The following ZNF438 variants were observed in gnomAD, a reference collection of about 807,000 sequenced individuals.
ZNF438 encodes zinc finger protein 438.
Under a neutral mutation model 38.0 loss-of-function variants are expected in ZNF438, and 25 were observed. The observed-to-expected ratio is 0.66, with a 90% confidence interval of 0.48 to 0.92. The LOEUF is 0.92. Among genes scored for constraint, ZNF438 ranks in the 40% least tolerant of loss-of-function variants. ZNF438 has a pLI of 0.00. For missense variants in ZNF438, 1,007 were observed against 999.6 expected, an observed-to-expected ratio of 1.01 and a Z score of -0.10; for synonymous variants, 372 against 364.1, an observed-to-expected ratio of 1.02 and a Z score of -0.25.
intron 2 of ZNF438, among the ~76,000 whole-genome samples, chr10:30,922,286 T>C (rs781360962): frequency 6.6e-6 from 1 of 152,228 alleles, no homozygotes; most frequent in Admixed American, 6.5e-5. Context: ...GTGCCTTATC[T>C]ACTTAATCTA....
At chr10:30,988,587 A>T (rs1173138178) in intron 1 of ZNF438, among the ~76,000 whole-genome samples, 3 of 152,118 alleles carry the variant, frequency 2.0e-5, no homozygotes, top group Non-Finnish European at 4.4e-5. Context: ...AAATAATGTA[A>T]GCTTTTACTG....
chr10:30,993,141 T>C (rs1564812191), intron 1 of ZNF438, among the ~76,000 whole-genome samples: 1 of 152,230 alleles, frequency 6.6e-6, no homozygotes, highest in Non-Finnish European at 1.5e-5. Flanking sequence ...AAACCAAGAA[T>C]GTGGCCTAGC....
chr10:30,985,703 A>G (rs1312369451), intron 1 of ZNF438, among the ~76,000 whole-genome samples: 3 of 152,228 alleles, frequency 2.0e-5, no homozygotes, highest in Non-Finnish European at 4.4e-5. Context: ...TATTCACAGT[A>G]GTTAAGTTCT....
chr10:30,997,826 G>T (rs2054207370), intron 1 of ZNF438, among the ~76,000 whole-genome samples: 1 of 152,042 alleles, frequency 6.6e-6, no homozygotes, highest in South Asian at 2.1e-4. Context: ...GTCATTCTTG[G>T]AGTTAAAGCT....
chr10:30,921,140 A>G (rs1173172124), intron 2 of ZNF438: 2 of 152,182 alleles, frequency 1.3e-5, no homozygotes, highest in Non-Finnish European at 2.9e-5. Context: ...CAATGAACTA[A>G]CCTTTGGAGA....
At chr10:30,931,105 A>G (rs1244641938) in intron 2 of ZNF438, among the ~76,000 whole-genome samples, 2 of 152,200 alleles carry the variant, frequency 1.3e-5, no homozygotes, top group Admixed American at 6.5e-5. Context: ...CATGAGGTCA[A>G]AGAGAGTCAA....
chr10:30,959,582 C>CAA (rs760298159), intron 1 of ZNF438, among the ~76,000 whole-genome samples: 7,742 of 123,104 alleles, frequency 0.063, 686 homozygotes, highest in African/African-American at 0.09. Context: ...ACTAAAAATA[C>CAA]AAAAAAAAAA....
chr10:30,918,544 A>G (rs910423091), intron 2 of ZNF438, among the ~76,000 whole-genome samples: 2 of 152,148 alleles, frequency 1.3e-5, no homozygotes, highest in Non-Finnish European at 2.9e-5. Flanking sequence ...GATCATCTCA[A>G]TTCAAAAATA....
intron 1 of ZNF438, among the ~76,000 whole-genome samples, chr10:31,013,452 C>G (rs901806998): frequency 6.6e-6 from 1 of 152,052 alleles, no homozygotes; most frequent in Admixed American, 6.5e-5. Flanking sequence ...CAATTCCAAA[C>G]GTCCACCACT....
intron 1 of ZNF438, among the ~76,000 whole-genome samples, chr10:30,977,729 A>G (rs2051555233): frequency 6.6e-6 from 1 of 152,174 alleles, no homozygotes; most frequent in Non-Finnish European, 1.5e-5. Context: ...TCACGTCTGT[A>G]ATACCAACAC....
chr10:30,889,163 T>C (rs951890904), intron 3 of ZNF438, among the ~76,000 whole-genome samples: 1 of 152,226 alleles, frequency 6.6e-6, no homozygotes, highest in Non-Finnish European at 1.5e-5. Flanking sequence ...TCAACTGTAA[T>C]GCTTATTCTT....
At chr10:30,941,881 C>T in intron 1 of ZNF438, among the ~76,000 whole-genome samples, 1 of 152,162 alleles carries the variant, frequency 6.6e-6, no homozygotes, top group Non-Finnish European at 1.5e-5. Flanking sequence ...TTTATGTCAA[C>T]CTGCTAAAAA....
At chr10:30,909,313 A>T (rs1404024013) in intron 2 of ZNF438, among the ~76,000 whole-genome samples, 1 of 152,178 alleles carries the variant, frequency 6.6e-6, no homozygotes, top group Non-Finnish European at 1.5e-5. Flanking sequence ...TTATTATGTA[A>T]TCATCATTCA....
intron 1 of ZNF438, among the ~76,000 whole-genome samples, chr10:30,949,869 A>C: frequency 6.6e-6 from 1 of 152,086 alleles, no homozygotes; most frequent in Non-Finnish European, 1.5e-5. Flanking sequence ...ATATCCAGGA[A>C]TTGAACTCAG....
At chr10:30,966,017 T>G (rs1201955550) in intron 1 of ZNF438, among the ~76,000 whole-genome samples, 3 of 152,194 alleles carry the variant, frequency 2.0e-5, no homozygotes, top group Non-Finnish European at 4.4e-5. Context: ...TCTACAAAAG[T>G]AATCTGGCAG....
intron 2 of ZNF438, among the ~76,000 whole-genome samples, chr10:30,935,127 C>A (rs1413899070): frequency 1.3e-5 from 2 of 152,224 alleles, no homozygotes; most frequent in Non-Finnish European, 2.9e-5. Flanking sequence ...ATTCTCACCA[C>A]AACACCAAAT....
rs146989914 is a variant in ZNF438, at chr10:30,961,241, TAA to T, written c.-191-19592_-191-19591del. Among the ~76,000 whole-genome samples the T allele has an allele frequency of 2.7e-3, 366 of 134,394 alleles. 23 individuals are homozygous for T. Among genetic ancestry groups the T allele is most frequent in the East Asian group, 7.6e-3 (37 of 4,892 alleles). 88.2% of individuals were successfully genotyped at this position (134,394 alleles called of 152,430 possible). A position where few individuals can be genotyped will look rare whatever the true frequency, so the allele number is the denominator to read the frequency against. ...ACCCTAAAACTTAGAGTATAATAAA[TAA>T]AAAAAAAAAATTAAAAAAAAAAATT... On this transcript the variant is annotated intron_variant, in intron 1 of 5. Transcript: ENST00000413025.
chr10:30,866,401 G>A (rs1294107531), intron 4 of ZNF438, among the ~76,000 whole-genome samples: 1 of 152,168 alleles, frequency 6.6e-6, no homozygotes, highest in African/African-American at 2.4e-5. Context: ...ATGGAACTTG[G>A]CATTACAAGA....
chr10:30,849,104 C>CG lies in ZNF438; in HGVS notation c.1300dup (p.Arg434ProfsTer2). On this transcript the variant is annotated frameshift_variant, in exon 5 of 6. Transcript: ENST00000413025. LOFTEE classifies it high-confidence loss of function. ...CATGATAGGTTTGGGCATAATGCTA[C>CG]GGTATTTTTTCAGGGTCCCCAGCTT... 1.2e-6 allele frequency: 2 copies of CG among 1,613,814 alleles called. No homozygotes were observed. The highest frequency in any genetic ancestry group is 2.2e-5 in the South Asian group (2 of 91,080).
Sources: allele counts gnomAD v4.1 joint callset (sites outside exome capture counted in the v4.1 genomes callset), GRCh38; gene constraint gnomAD v4.1.1; transcripts MANE v1.5; gene names NCBI Gene and HGNC (gene_info 2026-07-23, HGNC 2026-07-21).